TMEM163: variants seen among roughly 807,000 people sequenced by gnomAD.
TMEM163 encodes transmembrane protein 163.
Under a neutral mutation model 29.3 loss-of-function variants are expected in TMEM163, and 17 were observed. That is an observed-to-expected ratio of 0.58 (90% CI 0.40 to 0.87). The LOEUF (loss-of-function observed/expected upper bound fraction) is 0.87. Among genes scored for constraint, TMEM163 ranks in the 40% least tolerant of loss-of-function variants. The pLI is 0.00. For synonymous variants in TMEM163, 157 were observed against 160.6 expected (o/e 0.98, Z 0.17); for missense variants, 303 against 381.5 (o/e 0.79, Z 1.71).
chr2:134,466,314 C>G, intron 5 of TMEM163, 89 bp from the exon 6 acceptor site: 3 of 1,098,722 alleles, frequency 2.7e-6, no homozygotes, highest in Non-Finnish European at 4.0e-6. Flanking sequence ...CAGCCTTGTT[C>G]CAAGTACAAA....
intron 2 of TMEM163, among the ~76,000 whole-genome samples, chr2:134,565,563 G>A (rs2104780652): frequency 6.7e-6 from 1 of 150,348 alleles, no homozygotes; most frequent in East Asian, 2.0e-4. Flanking sequence ...CCAAGACTGA[G>A]CCACTGCACT....
At chr2:134,539,280 T>C (rs912786502) in intron 4 of TMEM163, among the ~76,000 whole-genome samples, 1 of 152,118 alleles carries the variant, frequency 6.6e-6, no homozygotes, top group African/African-American at 2.4e-5. Flanking sequence ...AGGGTGCAAC[T>C]ACTTAGAGAA....
At position 134,667,186 on chromosome 2, in the gene TMEM163, G is replaced by A. The variant is rs75084782; in HGVS notation, c.322+46014C>T. 3.8e-3 allele frequency among the ~76,000 whole-genome samples: 576 copies of A among 152,362 alleles called. 4 individuals are homozygous for A. Among genetic ancestry groups the A allele is most frequent in the African/African-American group, 0.013 (531 of 41,580 alleles). On this transcript the variant is annotated intron_variant, in intron 2 of 7. Coordinates refer to ENST00000281924, the MANE Select transcript of TMEM163 (RefSeq NM_030923.5). ...AATAATCAAAACCAACATTGTGACA[G>A]AGGCTGCTGGCTAGGCTGTGATATT... is the stretch of plus-strand genomic sequence containing the variant.
At chr2:134,646,893 C>T (rs184475195) in intron 2 of TMEM163, among the ~76,000 whole-genome samples, 77 of 152,354 alleles carry the variant, frequency 5.1e-4, no homozygotes, top group African/African-American at 1.8e-3. Flanking sequence ...TATTCATCCT[C>T]ACACTCTGAA....
At chr2:134,717,258 C>T (rs1559003357) in intron 1 of TMEM163, among the ~76,000 whole-genome samples, 1 of 152,146 alleles carries the variant, frequency 6.6e-6, no homozygotes, top group South Asian at 2.1e-4. Context: ...TTAAATCCTA[C>T]GATATTAGCT....
At chr2:134,597,526 C>T (rs149936375) in intron 2 of TMEM163, among the ~76,000 whole-genome samples, 1,887 of 149,698 alleles carry the variant, frequency 0.013, 47 homozygotes, top group African/African-American at 0.043. Flanking sequence ...CAGTATTTTA[C>T]TGAGGATTTT....
intron 2 of TMEM163, among the ~76,000 whole-genome samples, chr2:134,592,326 G>A (rs1296085295): frequency 6.6e-6 from 1 of 152,116 alleles, no homozygotes; most frequent in Non-Finnish European, 1.5e-5. Flanking sequence ...TGAAAAGCCT[G>A]GCTGCATTAA....
At chr2:134,613,086 G>A (rs4954154) in intron 2 of TMEM163, among the ~76,000 whole-genome samples, 100,861 of 152,038 alleles carry the variant, frequency 0.66, 35,174 homozygotes, top group African/African-American at 0.85. Flanking sequence ...AAAAGAACCA[G>A]ATAAAATACT....
chr2:134,465,560 C>T (rs1686653716), intron 6 of TMEM163, among the ~76,000 whole-genome samples: 1 of 152,188 alleles, frequency 6.6e-6, no homozygotes, highest in Non-Finnish European at 1.5e-5. Flanking sequence ...TCTCTGTCAT[C>T]CCAAAGGTCA....
At position 134,612,155 on chromosome 2, in the gene TMEM163, A is replaced by G. The variant is rs79184417; in HGVS notation, c.323-60064T>C. On this transcript the variant is annotated intron_variant, in intron 2 of 7. Transcript: ENST00000281924. ...CTATTTGACCTATCTCAAGCACCTG[A>G]AAAAGCCCCATTTGCAAGATACAAA... Among the ~76,000 whole-genome samples the G allele has an allele frequency of 1.2e-3, 189 of 152,336 alleles. 2 individuals are homozygous for G. Among genetic ancestry groups the G allele is most frequent in the African/African-American group, 4.1e-3 (171 of 41,576 alleles).
At position 134,654,022 on chromosome 2, in the gene TMEM163, T is replaced by G. The variant is rs1426275867; in HGVS notation, c.322+59178A>C. On this transcript the variant is annotated intron_variant, in intron 2 of 7. Transcript: ENST00000281924. ...GTGGTGCTGAAAAAAATGTATATTCTGTTGATTTGGGGTGGAGAGTTCTGT... is the reference window on the plus strand; with the variant it reads ...GTGGTGCTGAAAAAAATGTATATTCGGTTGATTTGGGGTGGAGAGTTCTGT... Among the ~76,000 whole-genome samples, 2 of 85,840 alleles carry G rather than the reference T, an allele frequency of 2.3e-5. 1 individual carries two copies. The highest frequency in any genetic ancestry group is 5.0e-5 in the Non-Finnish European group (2 of 39,856). The allele number at this position is 85,840 out of a possible 152,430, so 56.3% of individuals were successfully genotyped here.
At chr2:134,651,172 T>G (rs1354851393) in intron 2 of TMEM163, among the ~76,000 whole-genome samples, 1 of 69,158 alleles carries the variant, frequency 1.4e-5, no homozygotes, top group East Asian at 2.7e-4. Context: ...AGTGTAAAAG[T>G]GTTCCTATTT....
intron 5 of TMEM163, among the ~76,000 whole-genome samples, chr2:134,487,383 CT>C (rs1465479275): frequency 2.6e-5 from 4 of 152,010 alleles, no homozygotes; most frequent in Admixed American, 1.3e-4. Flanking sequence ...AGGAATTGCC[CT>C]GATAAAAATT....
chr2:134,516,514 T>C (rs917181003), intron 4 of TMEM163, among the ~76,000 whole-genome samples: 5 of 151,448 alleles, frequency 3.3e-5, no homozygotes. Flanking sequence ...TGAGCTGAGA[T>C]TGCGCCACTG....
chr2:134,659,620 T>G (rs1052078595), intron 2 of TMEM163, among the ~76,000 whole-genome samples: 1 of 152,170 alleles, frequency 6.6e-6, no homozygotes, highest in African/African-American at 2.4e-5. Flanking sequence ...GATGCCATGA[T>G]GAAAGAGAAA....
intron 2 of TMEM163, among the ~76,000 whole-genome samples, chr2:134,656,189 A>T (rs566333295): frequency 1.4e-5 from 2 of 144,764 alleles, no homozygotes; most frequent in African/African-American, 2.8e-5. Flanking sequence ...GCTGTACTAG[A>T]AATCAGCGAG....
chr2:134,631,605 A>G (rs1052431410), intron 2 of TMEM163, among the ~76,000 whole-genome samples: 2 of 152,334 alleles, frequency 1.3e-5, no homozygotes, highest in African/African-American at 4.8e-5. Flanking sequence ...CAGAGCACTG[A>G]GTTAGTGGCC....
At chr2:134,663,296 T>C (rs1486204203) in intron 2 of TMEM163, among the ~76,000 whole-genome samples, 3 of 152,218 alleles carry the variant, frequency 2.0e-5, no homozygotes, top group African/African-American at 7.2e-5. Context: ...CTGTTTGTCC[T>C]AATATTTCAA....
intron 5 of TMEM163, among the ~76,000 whole-genome samples, chr2:134,477,978 G>A (rs1183236648): frequency 1.3e-5 from 2 of 152,210 alleles, no homozygotes; most frequent in Non-Finnish European, 2.9e-5. Flanking sequence ...GATCCCTCAT[G>A]AATGGTTTGG....
Sources: gnomAD v4.1 joint callset for allele counts (sites outside exome capture counted in the v4.1 genomes callset) on GRCh38, gnomAD v4.1.1 for gene constraint, MANE v1.5 for transcripts, NCBI Gene and HGNC (gene_info 2026-07-23, HGNC 2026-07-21) for gene names.